Variants in PTPN14 observed in about 807,000 individuals in gnomAD.
PTPN14 encodes the protein protein tyrosine phosphatase non-receptor type 14.
Under a neutral mutation model 126.8 loss-of-function variants are expected in PTPN14, and 53 were observed. The observed-to-expected ratio is 0.42, with a 90% CI of 0.34 to 0.53. The LOEUF is 0.53. Among genes scored for constraint, PTPN14 ranks in the 20% least tolerant of loss-of-function variants. The pLI is 0.08. For synonymous variants in PTPN14, 630 were observed against 599.3 expected (o/e 1.05, Z -0.75); for missense variants, 1,257 against 1,552.9 (o/e 0.81, Z 3.20).
chr1:214,479,357 T>G (rs1433686476), intron 1 of PTPN14, among the ~76,000 whole-genome samples: 1 of 151,150 alleles, frequency 6.6e-6, no homozygotes, highest in Admixed American at 6.6e-5. Flanking sequence ...TTTTTTTTTT[T>G]GAGATGGAGT....
At chr1:214,480,984 T>A (rs1357405209) in intron 1 of PTPN14, among the ~76,000 whole-genome samples, 1 of 151,980 alleles carries the variant, frequency 6.6e-6, no homozygotes, top group East Asian at 1.9e-4. Flanking sequence ...AAGCAGCAGA[T>A]GAAAATTTGC....
chr1:214,546,700 G>A (rs1325635186), intron 1 of PTPN14, among the ~76,000 whole-genome samples: 1 of 152,120 alleles, frequency 6.6e-6, no homozygotes, highest in African/African-American at 2.4e-5. Context: ...AGCATTTACG[G>A]GATGGCCAGC....
In PTPN14 at chr1:214,451,836, T is replaced by A; in HGVS notation, c.313A>T (p.Asn105Tyr). The A allele has an allele frequency of 6.2e-7, 1 of 1,614,142 alleles. No individual in the cohort carries two copies. The highest frequency in any genetic ancestry group is 2.2e-5 in the East Asian group (1 of 44,876). The change falls in exon 3 of 19, where the codon AAT becomes TAT. Residue 105 changes from asparagine (N) to tyrosine (Y), a missense_variant. Asn to Tyr is a moderately radical substitution (Grantham distance 143). Coordinates refer to ENST00000366956, the MANE Select transcript of PTPN14 (RefSeq NM_005401.5). Reference protein sequence around the residue: ...LFFGVMFYVPNVSWLQQEATR... With the variant: ...LFFGVMFYVPYVSWLQQEATR... ...GCCTCTTGCTGAAGCCATGACACAT[T>A]TGGCACATAGAACATGACTCCAAAG...
intron 3 of PTPN14, among the ~76,000 whole-genome samples, chr1:214,420,701 C>T (rs958621498): frequency 6.6e-6 from 1 of 152,200 alleles, no homozygotes; most frequent in African/African-American, 2.4e-5. Flanking sequence ...AAAAGAAAAA[C>T]TCATTTCTGA....
At chr1:214,366,811 G>A (rs528981102) in intron 17 of PTPN14, among the ~76,000 whole-genome samples, 19 of 151,828 alleles carry the variant, frequency 1.3e-4, no homozygotes, top group African/African-American at 2.7e-4. Flanking sequence ...TGGAGACCCC[G>A]TCTCTACTAA....
intron 3 of PTPN14, among the ~76,000 whole-genome samples, chr1:214,430,674 C>T (rs1659778492): frequency 6.6e-6 from 1 of 152,166 alleles, no homozygotes. Flanking sequence ...CAAGTCTCTC[C>T]ATTTATGTGA....
intron 1 of PTPN14, chr1:214,533,384 G>T (rs538838660): frequency 4.5e-6 from 2 of 448,752 alleles, no homozygotes; most frequent in East Asian, 1.1e-4. Flanking sequence ...GCAACTCCAC[G>T]CAAACCATTC....
intron 3 of PTPN14, among the ~76,000 whole-genome samples, chr1:214,449,583 A>G (rs1198536261): frequency 6.6e-6 from 1 of 152,222 alleles, no homozygotes. Context: ...TGTTCCTAGC[A>G]CCGTGTAAAG....
At chr1:214,460,049 G>C (rs184263312) in intron 2 of PTPN14, among the ~76,000 whole-genome samples, 1 of 152,122 alleles carries the variant, frequency 6.6e-6, no homozygotes, top group Non-Finnish European at 1.5e-5. Flanking sequence ...CTGGGAACTG[G>C]AACAGTGGCG....
intron 1 of PTPN14, among the ~76,000 whole-genome samples, chr1:214,545,115 A>G (rs1655938240): frequency 6.6e-6 from 1 of 152,240 alleles, no homozygotes; most frequent in Admixed American, 6.5e-5. Flanking sequence ...AATCCATATC[A>G]TAAGGGGAAA....
At chr1:214,537,324 C>T (rs1655733214) in intron 1 of PTPN14, among the ~76,000 whole-genome samples, 1 of 152,112 alleles carries the variant, frequency 6.6e-6, no homozygotes, top group Admixed American at 6.5e-5. Context: ...TTCCTTTTTG[C>T]CTTTGAGAAG....
chr1:214,410,364 G>C (rs893756117), intron 5 of PTPN14, among the ~76,000 whole-genome samples: 1 of 149,208 alleles, frequency 6.7e-6, no homozygotes, highest in African/African-American at 2.5e-5. Context: ...GCACAATCTC[G>C]GCTCACTGCA....
intron 3 of PTPN14, among the ~76,000 whole-genome samples, chr1:214,444,223 T>C (rs1660095015): frequency 1.3e-5 from 2 of 152,348 alleles, no homozygotes; most frequent in Admixed American, 6.5e-5. Flanking sequence ...CACAGAATGT[T>C]TGAGATTAGA....
chr1:214,360,191 A>G (rs1355669435), intron 18 of PTPN14, among the ~76,000 whole-genome samples: 1 of 152,206 alleles, frequency 6.6e-6, no homozygotes, highest in East Asian at 1.9e-4. Context: ...CTGACTTTGT[A>G]ACCTTTGAAC....
chr1:214,385,591 TACAC>T (rs1047191635), intron 12 of PTPN14, among the ~76,000 whole-genome samples: 1 of 151,578 alleles, frequency 6.6e-6, no homozygotes, highest in Non-Finnish European at 1.5e-5. Context: ...GGTGTTCTCT[TACAC>T]ACACACACAC....
At chr1:214,487,785 T>G (rs1661148645) in intron 1 of PTPN14, among the ~76,000 whole-genome samples, 1 of 152,214 alleles carries the variant, frequency 6.6e-6, no homozygotes, top group African/African-American at 2.4e-5. Flanking sequence ...AGATGAAAGA[T>G]AAGCTGGCTG....
At chr1:214,488,028 A>G (rs2102414153) in intron 1 of PTPN14, among the ~76,000 whole-genome samples, 1 of 152,348 alleles carries the variant, frequency 6.6e-6, no homozygotes, top group South Asian at 2.1e-4. Flanking sequence ...AAAACACTGT[A>G]GCCATTCAGC....
chr1:214,532,711 T>A, intron 1 of PTPN14: 1 of 791,774 alleles, frequency 1.3e-6, no homozygotes, highest in South Asian at 1.3e-5. Context: ...GGCGCCAGTC[T>A]GTGGAGAGCA....
At chr1:214,465,763 T>C (rs1457227472) in intron 1 of PTPN14, among the ~76,000 whole-genome samples, 7 of 152,054 alleles carry the variant, frequency 4.6e-5, no homozygotes, top group African/African-American at 1.7e-4. Flanking sequence ...ATGAAAAAAG[T>C]AAGGTTTAAT....
Sources: gnomAD v4.1 joint callset for allele counts (sites outside exome capture counted in the v4.1 genomes callset) on GRCh38, gnomAD v4.1.1 for gene constraint, MANE v1.5 for transcripts, NCBI Gene and HGNC (gene_info 2026-07-23, HGNC 2026-07-21) for gene names.